PPP6R2: variants seen among roughly 807,000 people sequenced by gnomAD.
The protein encoded by PPP6R2 is protein phosphatase 6 regulatory subunit 2.
Under a neutral mutation model 100.2 loss-of-function variants are expected in PPP6R2, and 62 were observed. That is an observed-to-expected ratio of 0.62 (90% CI 0.50 to 0.76). The LOEUF (loss-of-function observed/expected upper bound fraction) is 0.76, where lower values mean the gene tolerates loss of function less well. Among genes scored for constraint, PPP6R2 ranks in the 30% least tolerant of loss-of-function variants. PPP6R2 has a pLI of 0.00. For missense variants in PPP6R2, 1,142 were observed against 1,276.3 expected, an observed-to-expected ratio of 0.89 and a Z score of 1.60; for synonymous variants, 525 against 514.7, an observed-to-expected ratio of 1.02 and a Z score of -0.27.
rs749687321 is a variant in PPP6R2, at chr22:50,440,827, C to G, written c.2380C>G (p.Pro794Ala). 1 of 1,613,308 alleles carries G rather than the reference C, an allele frequency of 6.2e-7. No individual in the cohort carries two copies. Among genetic ancestry groups the G allele is most frequent in the Non-Finnish European group, 8.5e-7 (1 of 1,180,012 alleles). The change falls in exon 22 of 24, where the codon CCG (proline) becomes GCG (alanine). Residue 794 changes from proline (P) to alanine (A), a missense_variant. By Grantham distance (27) the Pro-to-Ala change is conservative. Coordinates refer to ENST00000612753, the MANE Select transcript of PPP6R2 (RefSeq NM_001242898.2). ...ACAGGCCTCCTACTTTGCAGTCAGC[C>G]CGGCTTCTCCATGTGCCTGGAACGT... The part of the protein sequence containing the change: ...RSQGPEKAFS[P>A]ASPCAWNVCV...
In PPP6R2 at chr22:50,437,905, G is replaced by A; in HGVS notation, c.1839+5G>A. The A allele has an allele frequency of 6.4e-7, 1 of 1,557,526 alleles. No individual in the cohort carries two copies. Among genetic ancestry groups the A allele is most frequent in the Non-Finnish European group, 8.7e-7 (1 of 1,150,728 alleles). ...ATCGACGCTGACGAGGACAGTGTGAGCAAGCCGGGCTGTGTGGGGTGCCGC... is the reference window on the plus strand; with the variant it reads ...ATCGACGCTGACGAGGACAGTGTGAACAAGCCGGGCTGTGTGGGGTGCCGC... On this transcript the variant is annotated splice_donor_5th_base_variant and intron_variant, in intron 17 of 23. Coordinates refer to ENST00000612753, the MANE Select transcript of PPP6R2 (RefSeq NM_001242898.2).
At chr22:50,398,073 T>A (rs2057379532) in intron 3 of PPP6R2, among the ~76,000 whole-genome samples, 1 of 151,942 alleles carries the variant, frequency 6.6e-6, no homozygotes, top group East Asian at 1.9e-4. Context: ...TGGCTCACGC[T>A]GGTAATCCCA....
chr22:50,359,419 G>T (rs562653304), intron 1 of PPP6R2, among the ~76,000 whole-genome samples: 8 of 152,084 alleles, frequency 5.3e-5, no homozygotes, highest in Non-Finnish European at 1.0e-4. Flanking sequence ...GGGGTTTGCC[G>T]TGTTAGCCAG....
chr22:50,440,121 T>C, intron 21 of PPP6R2, 72 bp downstream of exon 21: 1 of 1,378,778 alleles, frequency 7.3e-7, no homozygotes, highest in Non-Finnish European at 1.0e-6. Flanking sequence ...GCCCCCCTCC[T>C]TGGGGGCAGT....
At chr22:50,338,148 GTGGT>G in the PPP6R2 span, among the ~76,000 whole-genome samples, 1 of 141,250 alleles carries the variant, frequency 7.1e-6, no homozygotes, top group Non-Finnish European at 1.5e-5. Context: ...TGTAGTGTGT[GTGGT>G]ATGTGTGTGC....
chr22:50,381,262 G>A (rs1349001168), intron 2 of PPP6R2, among the ~76,000 whole-genome samples: 3 of 103,656 alleles, frequency 2.9e-5, no homozygotes, highest in East Asian at 2.6e-4. Context: ...AGCATCACAC[G>A]GGCCTCACCT....
chr22:50,369,708 T>C (rs2049585271), intron 1 of PPP6R2, among the ~76,000 whole-genome samples: 1 of 152,112 alleles, frequency 6.6e-6, no homozygotes, highest in Non-Finnish European at 1.5e-5. Context: ...GGTTTCACCA[T>C]GTTGGCCAGG....
At chr22:50,406,643 G>A in intron 3 of PPP6R2, 46 bp from the exon 4 acceptor site, 3 of 1,552,916 alleles carry the variant, frequency 1.9e-6, no homozygotes, top group Non-Finnish European at 2.6e-6. Flanking sequence ...CCTAAGAGTT[G>A]GAGAAGTCTA....
At chr22:50,342,152 A>G (rs1203552967), upstream of PPP6R2, among the ~76,000 whole-genome samples, 1 of 152,164 alleles carries the variant, frequency 6.6e-6, no homozygotes, top group African/African-American at 2.4e-5. Flanking sequence ...CCGTAGCTCA[A>G]CTCAGCAGCA....
At chr22:50,339,724 G>A (rs930854566), upstream of PPP6R2, among the ~76,000 whole-genome samples, 3 of 140,262 alleles carry the variant, frequency 2.1e-5, no homozygotes, top group African/African-American at 8.1e-5. Flanking sequence ...TGTAGGGTGT[G>A]TGTTGTGTGT....
intron 1 of PPP6R2, among the ~76,000 whole-genome samples, chr22:50,371,750 C>T (rs1364157768): frequency 2.6e-5 from 4 of 152,138 alleles, no homozygotes; most frequent in Non-Finnish European, 5.9e-5. Flanking sequence ...AGTGATCCCG[C>T]CTCAGCCTCC....
chr22:50,393,850 T>C, intron 2 of PPP6R2, 43 bp from the exon 3 acceptor site: 2 of 1,607,592 alleles, frequency 1.2e-6, no homozygotes, highest in Non-Finnish European at 1.7e-6. Context: ...TGAAGGTGGA[T>C]TTGCAAGGGT....
chr22:50,437,484 T>TGCC, intron 15 of PPP6R2, 22 bp from the exon 16 acceptor site: 4 of 542,094 alleles, frequency 7.4e-6, no homozygotes, highest in East Asian at 8.8e-5. Context: ...TGTCCGTCCC[T>TGCC]CCCTCCCTCC....
At chr22:50,363,249 C>A (rs976733273) in intron 1 of PPP6R2, among the ~76,000 whole-genome samples, 1 of 152,142 alleles carries the variant, frequency 6.6e-6, no homozygotes, top group Admixed American at 6.5e-5. Context: ...CTGTCTTTTC[C>A]GCCAGCTTCC....
chr22:50,349,374 A>AC (rs980526956), intron 1 of PPP6R2, among the ~76,000 whole-genome samples: 1 of 150,322 alleles, frequency 6.7e-6, no homozygotes, highest in Non-Finnish European at 1.5e-5. Flanking sequence ...AAAAAAAAAA[A>AC]AAAAAAAAAA....
intron 1 of PPP6R2, among the ~76,000 whole-genome samples, chr22:50,347,460 G>A (rs190983760): frequency 3.4e-4 from 51 of 151,438 alleles, no homozygotes; most frequent in African/African-American, 1.1e-3. Flanking sequence ...ACCTTACCCC[G>A]CACTGCCCTG....
intron 2 of PPP6R2, among the ~76,000 whole-genome samples, chr22:50,377,779 C>T (rs945789279): frequency 7.9e-5 from 12 of 152,088 alleles, no homozygotes; most frequent in South Asian, 2.1e-4. Context: ...GAGGCTGAGG[C>T]GGGAGGATCA....
upstream of PPP6R2, among the ~76,000 whole-genome samples, chr22:50,342,718 C>T (rs1336984815): frequency 1.3e-5 from 2 of 152,248 alleles, no homozygotes; most frequent in Non-Finnish European, 2.9e-5. Context: ...TGGAATTAAA[C>T]AATTCCAGCA....
intron 2 of PPP6R2, among the ~76,000 whole-genome samples, chr22:50,384,100 C>T (rs1042341812): frequency 1.3e-5 from 2 of 151,488 alleles, no homozygotes; most frequent in African/African-American, 4.9e-5. Flanking sequence ...CATCACATCC[C>T]TTCTTTCATT....
Sources: allele counts gnomAD v4.1 joint callset (sites outside exome capture counted in the v4.1 genomes callset), GRCh38; gene constraint gnomAD v4.1.1; transcripts MANE v1.5; gene names NCBI Gene and HGNC (gene_info 2026-07-23, HGNC 2026-07-21).